Variants in KICS2 observed in about 807,000 individuals in gnomAD.
KICS2 encodes the protein KICSTOR complex protein C12orf66.
A neutral mutation model predicts 31.4 loss-of-function variants in KICS2; 13 were observed. The observed-to-expected ratio is 0.41, with a 90% confidence interval of 0.27 to 0.66. The LOEUF (loss-of-function observed/expected upper bound fraction) is 0.66. Among genes scored for constraint, KICS2 ranks in the 30% least tolerant of loss-of-function variants. The probability of loss-of-function intolerance (pLI) is 0.28; values close to 1 mark genes in which losing one functional copy is unlikely to be tolerated. For missense variants in KICS2, 455 were observed against 545.4 expected (o/e 0.83, Z 1.65); for synonymous variants, 209 against 214.8 (o/e 0.97, Z 0.24).
chr12:64,198,826 C>G (rs1300660115), intron 2 of KICS2, among the ~76,000 whole-genome samples: 1 of 146,108 alleles, frequency 6.8e-6, no homozygotes, highest in Admixed American at 6.9e-5. Flanking sequence ...ACAAACACCT[C>G]TACGCAAATA....
At position 64,194,547 on chromosome 12, in the gene KICS2, TG is replaced by T. The variant is rs747281376; in HGVS notation, c.632del (p.Pro211HisfsTer48). On this transcript the variant is annotated frameshift_variant, in exon 3 of 3. Transcript: ENST00000398055. LOFTEE classifies it high-confidence loss of function. ...GCGCACTGTGTAAATTAACCAGAGA[TG>T]GGAGGAACTTCCACTCTGAGACCTG... ...QAQVSEWKFL[P>X]SLVNLHSAHT... The T allele has an allele frequency of 6.2e-7, 1 of 1,614,042 alleles. No homozygotes were observed. The highest frequency in any genetic ancestry group is 1.7e-5 in the Admixed American group (1 of 59,998).
intron 1 of KICS2, among the ~76,000 whole-genome samples, chr12:64,216,780 C>T (rs1025558668): frequency 1.3e-5 from 2 of 152,312 alleles, no homozygotes; most frequent in African/African-American, 4.8e-5. Context: ...TTACTCACTT[C>T]TGTATGTACA....
rs2136686582 is a variant in KICS2, at chr12:64,193,753, G to A, written c.*89C>T. 6.8e-7 allele frequency: 1 copy of A among 1,473,364 alleles called. No individual in the cohort carries two copies. The highest frequency in any genetic ancestry group is 2.4e-5 in the East Asian group (1 of 41,502). 91.3% of individuals were successfully genotyped at this position (1,473,364 alleles called of 1,614,324 possible). A position where few individuals can be genotyped will look rare whatever the true frequency, so the allele number is the denominator to read the frequency against. On this transcript the variant is annotated 3_prime_UTR_variant, in exon 3 of 3. Transcript: ENST00000398055. ...TTTAGTTCTGAAAGAGGCATGAATG[G>A]ATGTAAACTCTATTCACAGACCACC...
In KICS2 at chr12:64,193,778, C is replaced by G; in HGVS notation, c.*64G>C. 2 of 1,526,088 alleles carry G rather than the reference C, an allele frequency of 1.3e-6. No individual in the cohort carries two copies. Among genetic ancestry groups the G allele is most frequent in the Non-Finnish European group, 8.8e-7 (1 of 1,137,690 alleles). 94.5% of individuals were successfully genotyped at this position (1,526,088 alleles called of 1,614,324 possible). A position where few individuals can be genotyped will look rare whatever the true frequency, so the allele number is the denominator to read the frequency against. ...GATGTAAACTCTATTCACAGACCAC[C>G]GTAGATCATTAGGGCAATTAAGAAC... On this transcript the variant is annotated 3_prime_UTR_variant, in exon 3 of 3. Transcript: ENST00000398055.
At position 64,192,802 on chromosome 12, in the gene KICS2, T is replaced by C; in HGVS notation, c.*1040A>G. On this transcript the variant is annotated 3_prime_UTR_variant, in exon 3 of 3. Coordinates refer to ENST00000398055, the MANE Select transcript of KICS2 (RefSeq NM_152440.5). ...TGCAGTGCTGCTTCTAAACATAATTTGTGGGGGGCAGGCATGAAACCCAAG... is the reference window on the plus strand; with the variant it reads ...TGCAGTGCTGCTTCTAAACATAATTCGTGGGGGGCAGGCATGAAACCCAAG... The C allele has an allele frequency of 1.0e-6, 1 of 985,430 alleles. No homozygotes were observed. 61.0% of individuals were successfully genotyped at this position (985,430 alleles called of 1,614,324 possible).
chr12:64,188,497 T>C (rs145914444), downstream of KICS2, among the ~76,000 whole-genome samples: 1,783 of 149,880 alleles, frequency 0.012, 42 homozygotes, highest in African/African-American at 0.042. Context: ...CACTCCAGCC[T>C]GGGTGACAGA....
At chr12:64,189,985 A>C (rs1004066094), downstream of KICS2, among the ~76,000 whole-genome samples, 3 of 152,190 alleles carry the variant, frequency 2.0e-5, no homozygotes, top group African/African-American at 7.2e-5. Flanking sequence ...AAAAGAAATC[A>C]TAATATAGGA....
intron 2 of KICS2, among the ~76,000 whole-genome samples, chr12:64,203,415 T>A (rs998280043): frequency 6.6e-6 from 1 of 152,152 alleles, no homozygotes; most frequent in African/African-American, 2.4e-5. Flanking sequence ...CATCAAGCGC[T>A]TACACTCTTC....
At chr12:64,212,304 C>T (rs983351381) in intron 2 of KICS2, among the ~76,000 whole-genome samples, 1 of 152,174 alleles carries the variant, frequency 6.6e-6, no homozygotes, top group African/African-American at 2.4e-5. Context: ...CATTAGCAAT[C>T]ACTCCTCCTT....
chr12:64,190,643 G>A (rs2136683798), downstream of KICS2, among the ~76,000 whole-genome samples: 1 of 151,956 alleles, frequency 6.6e-6, no homozygotes, highest in South Asian at 2.1e-4. Flanking sequence ...CTAGCTACTC[G>A]GGAGGCTGAG....
chr12:64,197,517 C>T (rs1342703047), intron 2 of KICS2, among the ~76,000 whole-genome samples: 10 of 151,254 alleles, frequency 6.6e-5, no homozygotes, highest in Admixed American at 3.9e-4. Context: ...TAAAGACCAT[C>T]GAGACTAGGA....
At chr12:64,218,923 C>T (rs1380135530) in intron 1 of KICS2, among the ~76,000 whole-genome samples, 8 of 152,184 alleles carry the variant, frequency 5.3e-5, no homozygotes. Context: ...GGAACCCAAT[C>T]CTATCTGTTC....
rs1367076845 is a variant in KICS2, at chr12:64,192,603, A to T, written c.*1239T>A. On this transcript the variant is annotated 3_prime_UTR_variant, in exon 3 of 3. Transcript: ENST00000398055. Reference sequence around the variant, plus strand: ...GAATATGACCATTACATTTCACACAAGCTTCAAAGGAACCATCAAACCAGT... The same window carrying T: ...GAATATGACCATTACATTTCACACATGCTTCAAAGGAACCATCAAACCAGT... 2 of 985,210 alleles carry T rather than the reference A, an allele frequency of 2.0e-6. No individual in the cohort carries two copies. Among genetic ancestry groups the T allele is most frequent in the African/African-American group, 1.7e-5 (1 of 57,230 alleles). The allele number at this position is 985,210 out of a possible 1,614,324, so 61.0% of individuals were successfully genotyped here.
chr12:64,188,202 G>T (rs2575294), downstream of KICS2, among the ~76,000 whole-genome samples: 150,052 of 152,308 alleles, frequency 0.99, 73,950 homozygotes, highest in Middle Eastern at 1. Flanking sequence ...TAAAGCAGAA[G>T]CTATGAGAAA....
chr12:64,202,385 G>A (rs987340302), intron 2 of KICS2, among the ~76,000 whole-genome samples: 1 of 151,596 alleles, frequency 6.6e-6, no homozygotes. Context: ...GCTTCACAGA[G>A]TGAGACCCTG....
intron 2 of KICS2, among the ~76,000 whole-genome samples, chr12:64,195,308 G>C (rs2037423360): frequency 6.6e-6 from 1 of 152,196 alleles, no homozygotes; most frequent in Non-Finnish European, 1.5e-5. Context: ...TCTTTTCAGA[G>C]TGTGGTCCTA....
At chr12:64,198,032 G>T (rs2037457363) in intron 2 of KICS2, among the ~76,000 whole-genome samples, 2 of 87,354 alleles carry the variant, frequency 2.3e-5, no homozygotes, top group East Asian at 3.3e-4. Context: ...GTCAACATTA[G>T]ACAGATCAAC....
rs1216475091 is a variant in KICS2, at chr12:64,194,616, C to G, written c.564G>C (p.Gln188His). The change falls in exon 3 of 3, where the codon CAG (glutamine) becomes CAC (histidine). Residue 188 changes from glutamine to histidine, a missense_variant. By Grantham distance (24) the Gln-to-His change is conservative. Transcript: ENST00000398055. ...PILSPLESSF[Q>H]LEVDVLCHLL... is the part of the protein sequence containing the mutation. ...GATGACACAGGACGTCAACTTCCAG[C>G]TGGAAACTGCTTTCCAAAGGACTGA... The G allele has an allele frequency of 5.6e-6, 9 of 1,613,970 alleles. No homozygotes were observed. The East Asian group carries it at 6.7e-5, about 12-fold the overall frequency.
At chr12:64,220,638 T>G (rs1216970332) in intron 1 of KICS2, among the ~76,000 whole-genome samples, 1 of 152,056 alleles carries the variant, frequency 6.6e-6, no homozygotes, top group Non-Finnish European at 1.5e-5. Flanking sequence ...ATTACCTACC[T>G]TCAGTATTAC....
Sources: allele counts gnomAD v4.1 joint callset (sites outside exome capture counted in the v4.1 genomes callset), GRCh38; gene constraint gnomAD v4.1.1; transcripts MANE v1.5; gene names NCBI Gene and HGNC (gene_info 2026-07-23, HGNC 2026-07-21).